Variants in GULP1 observed in about 807,000 individuals in gnomAD.
The protein encoded by GULP1 is PTB domain-containing engulfment adapter protein 1.
GULP1 carries 19 observed loss-of-function variants against 40.9 expected under a neutral mutation model. The ratio of observed to expected loss-of-function variants is 0.46; its 90% confidence interval spans 0.32 to 0.68. The LOEUF (loss-of-function observed/expected upper bound fraction) is 0.68. Ranked by LOEUF, GULP1 falls within the 30% of genes least tolerant of loss-of-function variation. GULP1 has a pLI of 0.03. For missense variants in GULP1, 312 were observed against 362.2 expected, an observed-to-expected ratio of 0.86 and a Z score of 1.12; for synonymous variants, 119 against 117.6, an observed-to-expected ratio of 1.01 and a Z score of -0.08.
At chr2:188,446,542 T>A (rs547600797) in intron 2 of GULP1, among the ~76,000 whole-genome samples, 2 of 152,210 alleles carry the variant, frequency 1.3e-5, no homozygotes, top group East Asian at 3.9e-4. Context: ...TCAACTTTGC[T>A]TTTTGGGTTT....
chr2:188,380,523 TTTAC>T (rs1420082995), intron 1 of GULP1, among the ~76,000 whole-genome samples: 1 of 152,066 alleles, frequency 6.6e-6, no homozygotes, highest in Admixed American at 6.6e-5. Flanking sequence ...GGATTGAACG[TTTAC>T]TTACTTAAAG....
intron 2 of GULP1, among the ~76,000 whole-genome samples, chr2:188,407,203 A>G (rs1451565424): frequency 6.6e-6 from 1 of 152,222 alleles, no homozygotes; most frequent in Non-Finnish European, 1.5e-5. Context: ...CAGGACAAAC[A>G]AAAGCTGAGG....
intron 2 of GULP1, among the ~76,000 whole-genome samples, chr2:188,448,816 T>A (rs1469333120): frequency 6.6e-6 from 1 of 152,108 alleles, no homozygotes; most frequent in Non-Finnish European, 1.5e-5. Flanking sequence ...TGATAGTAAA[T>A]GAGTTCTCAT....
intron 2 of GULP1, among the ~76,000 whole-genome samples, chr2:188,451,257 T>C (rs1420055213): frequency 1.3e-5 from 2 of 152,232 alleles, no homozygotes; most frequent in Non-Finnish European, 2.9e-5. Context: ...TTCACAAATG[T>C]TCACTTTTGT....
At chr2:188,479,990 T>C (rs539769435) in intron 3 of GULP1, among the ~76,000 whole-genome samples, 1 of 152,244 alleles carries the variant, frequency 6.6e-6, no homozygotes, top group Non-Finnish European at 1.5e-5. Flanking sequence ...TATCATGAAA[T>C]TATTCACTAA....
intron 2 of GULP1, among the ~76,000 whole-genome samples, chr2:188,472,365 C>T (rs533126435): frequency 6.6e-6 from 1 of 152,248 alleles, no homozygotes; most frequent in East Asian, 1.9e-4. Context: ...AAACTTTCTA[C>T]TCCTATCTCT....
intron 1 of GULP1, among the ~76,000 whole-genome samples, chr2:188,302,055 T>A (rs2036224404): frequency 6.6e-6 from 1 of 152,214 alleles, no homozygotes; most frequent in African/African-American, 2.4e-5. Context: ...TATTAAATGA[T>A]ATCTTAATTT....
intron 1 of GULP1, among the ~76,000 whole-genome samples, chr2:188,318,075 G>A (rs2039393853): frequency 6.6e-6 from 1 of 151,770 alleles, no homozygotes; most frequent in African/African-American, 2.4e-5. Flanking sequence ...TGAAATAACT[G>A]ATTTCCTTCT....
At chr2:188,459,989 T>A (rs2059574016) in intron 2 of GULP1, among the ~76,000 whole-genome samples, 1 of 152,186 alleles carries the variant, frequency 6.6e-6, no homozygotes, top group African/African-American at 2.4e-5. Flanking sequence ...TCTATTGTGT[T>A]TCATTGGTCT....
chr2:188,541,164 T>C lies in GULP1; in HGVS notation c.262-17T>C. 6.2e-7 allele frequency: 1 copy of C among 1,607,216 alleles called. No individual in the cohort carries two copies. The highest frequency in any genetic ancestry group is 8.5e-7 in the Non-Finnish European group (1 of 1,174,646). On this transcript the variant is annotated splice_polypyrimidine_tract_variant and intron_variant, in intron 6 of 11. Coordinates refer to ENST00000409830, the MANE Select transcript of GULP1 (RefSeq NM_016315.4). ...AAGAATCCCATCAACTATGTTTATT[T>C]CCATCTGTGTTCACAGGAAGTTCAA...
intron 4 of GULP1, among the ~76,000 whole-genome samples, chr2:188,508,636 A>G (rs2064175404): frequency 1.3e-5 from 2 of 151,976 alleles, no homozygotes. Context: ...TCATTTAGTG[A>G]GCCAAAGTCA....
At chr2:188,416,002 T>G (rs192777852) in intron 2 of GULP1, among the ~76,000 whole-genome samples, 2 of 152,282 alleles carry the variant, frequency 1.3e-5, no homozygotes, top group African/African-American at 2.4e-5. Context: ...AAAAGTTTGT[T>G]TGTTTTATTT....
intron 9 of GULP1, among the ~76,000 whole-genome samples, 163 bp from the exon 10 acceptor site, chr2:188,584,102 A>G (rs1701872308): frequency 6.6e-6 from 1 of 152,230 alleles, no homozygotes; most frequent in Admixed American, 6.5e-5. Flanking sequence ...TAGTGGAACC[A>G]TATGAAATTG....
intron 1 of GULP1, among the ~76,000 whole-genome samples, chr2:188,326,946 C>A (rs1303396342): frequency 6.6e-6 from 1 of 152,038 alleles, no homozygotes; most frequent in Non-Finnish European, 1.5e-5. Context: ...GGTGGAGAGA[C>A]TTATCTGGAA....
At chr2:188,349,589 G>T (rs2044170780) in intron 1 of GULP1, among the ~76,000 whole-genome samples, 1 of 152,028 alleles carries the variant, frequency 6.6e-6, no homozygotes, top group East Asian at 1.9e-4. Context: ...TAATTGAGTT[G>T]TCTTTTTATT....
chr2:188,434,262 T>G (rs1192573298), intron 2 of GULP1, among the ~76,000 whole-genome samples: 1 of 151,792 alleles, frequency 6.6e-6, no homozygotes, highest in East Asian at 1.9e-4. Context: ...TTACAGTCTA[T>G]TTTTCTTTCT....
At position 188,594,069 on chromosome 2, in the gene GULP1, A is replaced by T; in HGVS notation, c.*58A>T. 1 of 878,636 alleles carries T rather than the reference A, an allele frequency of 1.1e-6. No homozygotes were observed. The highest frequency in any genetic ancestry group is 1.9e-6 in the Non-Finnish European group (1 of 527,250). The allele number at this position is 878,636 out of a possible 1,614,324, so 54.4% of individuals were successfully genotyped here. On this transcript the variant is annotated 3_prime_UTR_variant, in exon 12 of 12. Transcript: ENST00000409830. ...ATGTGTTTGTATACACATGTCATTTATTATTATTACTTTAAGATAGGTATT... is the reference window on the plus strand; with the variant it reads ...ATGTGTTTGTATACACATGTCATTTTTTATTATTACTTTAAGATAGGTATT...
At chr2:188,477,963 T>C (rs1313969985) in intron 3 of GULP1, among the ~76,000 whole-genome samples, 1 of 152,146 alleles carries the variant, frequency 6.6e-6, no homozygotes. Context: ...TGTGATAATA[T>C]GTCGCCTGGC....
chr2:188,484,434 C>G (rs916877411), intron 4 of GULP1, among the ~76,000 whole-genome samples: 2 of 152,020 alleles, frequency 1.3e-5, no homozygotes, highest in Non-Finnish European at 2.9e-5. Flanking sequence ...TCAGAGAGAT[C>G]TGAGTCAAAA....
Sources: allele counts gnomAD v4.1 joint callset (sites outside exome capture counted in the v4.1 genomes callset), GRCh38; gene constraint gnomAD v4.1.1; transcripts MANE v1.5; gene names NCBI Gene and HGNC (gene_info 2026-07-23, HGNC 2026-07-21).